PTPRM: variants seen among roughly 807,000 people sequenced by gnomAD.
The protein encoded by PTPRM is receptor-type tyrosine-protein phosphatase mu.
In PTPRM, 47 loss-of-function variants were observed where a neutral mutation model predicts 186.7. The ratio of observed to expected loss-of-function variants is 0.25; its 90% CI spans 0.20 to 0.32. The LOEUF (loss-of-function observed/expected upper bound fraction) is 0.32. Ranked by LOEUF, PTPRM falls within the 10% of genes least tolerant of loss-of-function variation. The pLI is 1.00. For missense variants in PTPRM, 1,494 were observed against 1,865.0 expected, an observed-to-expected ratio of 0.80 and a Z score of 3.66; for synonymous variants, 668 against 674.9, an observed-to-expected ratio of 0.99 and a Z score of 0.16.
At chr18:7,659,812 T>C (rs2038937348) in intron 1 of PTPRM, among the ~76,000 whole-genome samples, 1 of 152,182 alleles carries the variant, frequency 6.6e-6, no homozygotes, top group Non-Finnish European at 1.5e-5. Context: ...CCAAAAGAAA[T>C]GGCCCGGTCT....
chr18:7,786,670 G>A (rs1366973769), intron 2 of PTPRM, among the ~76,000 whole-genome samples: 1 of 152,084 alleles, frequency 6.6e-6, no homozygotes, highest in East Asian at 1.9e-4. Context: ...TGTTGAAGAC[G>A]CATCCTATTA....
intron 2 of PTPRM, among the ~76,000 whole-genome samples, chr18:7,881,725 C>T (rs919295335): frequency 3.9e-5 from 6 of 152,142 alleles, no homozygotes; most frequent in African/African-American, 1.2e-4. Flanking sequence ...CTCCTTAAGA[C>T]ATGCAGATGT....
intron 1 of PTPRM, among the ~76,000 whole-genome samples, chr18:7,684,611 T>C: frequency 6.6e-6 from 1 of 152,242 alleles, no homozygotes. Flanking sequence ...TGTCCTTTTG[T>C]GTTGGCTTAT....
At chr18:8,247,817 C>A in intron 15 of PTPRM, 28 bp from the exon 16 acceptor site, 2 of 1,527,608 alleles carry the variant, frequency 1.3e-6, no homozygotes, top group Non-Finnish European at 1.8e-6. Context: ...TCTCTGCTGC[C>A]CCTGACCAGC....
At chr18:8,237,318 A>T (rs1330585842) in intron 14 of PTPRM, among the ~76,000 whole-genome samples, 2 of 149,404 alleles carry the variant, frequency 1.3e-5, no homozygotes, top group Non-Finnish European at 3.0e-5. Context: ...TCCTTCTCTC[A>T]TGTTCTTCCT....
chr18:8,296,969 T>C (rs2095104004), intron 20 of PTPRM, among the ~76,000 whole-genome samples: 1 of 152,118 alleles, frequency 6.6e-6, no homozygotes. Flanking sequence ...AGAACTAGGA[T>C]TATAGCTTAG....
chr18:7,825,604 A>G (rs10502362), intron 2 of PTPRM, among the ~76,000 whole-genome samples: 78,973 of 151,844 alleles, frequency 0.52, 22,218 homozygotes, highest in East Asian at 0.78. Context: ...TTTACAAGGA[A>G]TAGAGGTTGG....
chr18:8,139,020 G>A (rs921433275), intron 13 of PTPRM, among the ~76,000 whole-genome samples: 2 of 151,992 alleles, frequency 1.3e-5, no homozygotes, highest in East Asian at 1.9e-4. Flanking sequence ...ACTCATGACT[G>A]TAATCACCAT....
At chr18:8,386,750 T>C (rs184608828) in intron 30 of PTPRM, among the ~76,000 whole-genome samples, 4 of 152,314 alleles carry the variant, frequency 2.6e-5, no homozygotes, top group Non-Finnish European at 5.9e-5. Context: ...TACCTGTAAT[T>C]GAAGTTATTT....
intron 1 of PTPRM, among the ~76,000 whole-genome samples, chr18:7,689,323 G>T (rs955449510): frequency 6.6e-6 from 1 of 152,206 alleles, no homozygotes; most frequent in African/African-American, 2.4e-5. Flanking sequence ...GACTGTTCGG[G>T]ATTGGGCTCA....
chr18:7,996,197 A>C (rs190592925), intron 7 of PTPRM, among the ~76,000 whole-genome samples: 39 of 152,186 alleles, frequency 2.6e-4, no homozygotes, highest in Admixed American at 1.4e-3. Context: ...AAAAAAAATA[A>C]ATAAACACCA....
chr18:7,630,461 C>T (rs548952856), intron 1 of PTPRM, among the ~76,000 whole-genome samples: 1 of 152,012 alleles, frequency 6.6e-6, no homozygotes, highest in Non-Finnish European at 1.5e-5. Flanking sequence ...GGGTGAGGAC[C>T]AGAGAGAGTG....
intron 7 of PTPRM, among the ~76,000 whole-genome samples, chr18:8,009,589 T>TC (rs2084396206): frequency 6.6e-6 from 1 of 152,028 alleles, no homozygotes; most frequent in African/African-American, 2.4e-5. Context: ...ACGCCTGTAG[T>TC]CCCAACTACT....
chr18:8,105,429 T>C (rs970560271), intron 11 of PTPRM, among the ~76,000 whole-genome samples: 2 of 152,230 alleles, frequency 1.3e-5, no homozygotes, highest in Non-Finnish European at 2.9e-5. Flanking sequence ...CTAAGTTTGT[T>C]CTTTAAGAAC....
rs573844787 is a variant in PTPRM at position 8,289,854 on chromosome 18, T to C, written c.2755-6514T>C. On this transcript the variant is annotated intron_variant, in intron 19 of 32. Coordinates refer to ENST00000580170, the MANE Select transcript of PTPRM (RefSeq NM_001105244.2). ...TTTAAAAGATCAGTGAATGTTCACA[T>C]TTAGATTTCGGTTTGTTTAGAAACC... Among the ~76,000 whole-genome samples, 254 of 152,164 alleles carry C rather than the reference T, an allele frequency of 1.7e-3. 1 individual carries two copies. The highest frequency in any genetic ancestry group is 5.9e-3 in the African/African-American group (247 of 41,520).
intron 14 of PTPRM, among the ~76,000 whole-genome samples, chr18:8,184,030 A>C (rs2146617879): frequency 6.6e-6 from 1 of 152,262 alleles, no homozygotes; most frequent in African/African-American, 2.4e-5. Flanking sequence ...CCAGGCAACC[A>C]CTTTGAACTT....
At chr18:8,038,702 G>C (rs2086502233) in intron 7 of PTPRM, among the ~76,000 whole-genome samples, 1 of 152,054 alleles carries the variant, frequency 6.6e-6, no homozygotes, top group Non-Finnish European at 1.5e-5. Context: ...AGCTTTTTAG[G>C]TTTTTAAGCA....
At chr18:7,712,810 A>C (rs1307302776) in intron 1 of PTPRM, among the ~76,000 whole-genome samples, 1 of 152,034 alleles carries the variant, frequency 6.6e-6, no homozygotes, top group Non-Finnish European at 1.5e-5. Context: ...CATGAAGAGA[A>C]GATTAGAGAA....
intron 1 of PTPRM, among the ~76,000 whole-genome samples, chr18:7,631,784 C>T (rs2038197969): frequency 6.6e-6 from 1 of 152,228 alleles, no homozygotes; most frequent in East Asian, 1.9e-4. Context: ...AGACTATTTC[C>T]CAGATAGACG....
Sources: gnomAD v4.1 joint callset for allele counts (sites outside exome capture counted in the v4.1 genomes callset) on GRCh38, gnomAD v4.1.1 for gene constraint, MANE v1.5 for transcripts, NCBI Gene and HGNC (gene_info 2026-07-23, HGNC 2026-07-21) for gene names.